The following SEMA6D variants were observed in gnomAD, a reference collection of about 807,000 sequenced individuals.
The protein encoded by SEMA6D is semaphorin-6D.
A neutral mutation model predicts 106.6 loss-of-function variants in SEMA6D; 35 were observed. The observed-to-expected ratio is 0.33, with a 90% CI of 0.25 to 0.44. The LOEUF (loss-of-function observed/expected upper bound fraction) is 0.44, where lower values mean the gene tolerates loss of function less well. SEMA6D is among the 20% of genes least tolerant of loss of function. The pLI, the probability that SEMA6D is intolerant of heterozygous loss-of-function variation, is 1.00. For missense variants in SEMA6D, 1,185 were observed against 1,345.9 expected (o/e 0.88, Z 1.87); for synonymous variants, 499 against 487.7 (o/e 1.02, Z -0.31).
chr15:47,345,499 C>A (rs1002212505), intron 1 of SEMA6D, among the ~76,000 whole-genome samples: 1 of 151,584 alleles, frequency 6.6e-6, no homozygotes, highest in African/African-American at 2.4e-5. Flanking sequence ...AAATGCCTAG[C>A]CACATGCAAA....
chr15:47,330,286 C>G (rs1595746305), intron 1 of SEMA6D, among the ~76,000 whole-genome samples: 1 of 152,022 alleles, frequency 6.6e-6, no homozygotes, highest in East Asian at 1.9e-4. Context: ...TGGAGGTGAC[C>G]CATAGGTAAC....
intron 4 of SEMA6D, among the ~76,000 whole-genome samples, chr15:47,692,473 G>A (rs564090654): frequency 6.6e-6 from 1 of 152,158 alleles, no homozygotes; most frequent in Non-Finnish European, 1.5e-5. Flanking sequence ...AATTTGCTCT[G>A]CTTAAAAAAT....
chr15:47,375,737 G>A (rs539124704), intron 1 of SEMA6D, among the ~76,000 whole-genome samples: 3 of 152,122 alleles, frequency 2.0e-5, no homozygotes, highest in South Asian at 2.1e-4. Context: ...AATTAATATG[G>A]GTGCATAGCA....
chr15:47,459,490 A>G (rs114372355), intron 2 of SEMA6D, among the ~76,000 whole-genome samples: 2,151 of 152,164 alleles, frequency 0.014, 48 homozygotes, highest in African/African-American at 0.049. Flanking sequence ...TCTGAGAGAA[A>G]GAGGAGAATC....
intron 1 of SEMA6D, among the ~76,000 whole-genome samples, chr15:47,340,588 A>G (rs529585491): frequency 6.6e-6 from 1 of 152,324 alleles, no homozygotes; most frequent in African/African-American, 2.4e-5. Flanking sequence ...TCTAGAAAAT[A>G]TTAACTTTTT....
At chr15:47,548,749 G>A (rs766625237) in intron 3 of SEMA6D, among the ~76,000 whole-genome samples, 22 of 152,050 alleles carry the variant, frequency 1.4e-4, no homozygotes, top group Non-Finnish European at 2.6e-4. Flanking sequence ...ACACATGTAC[G>A]TATATATACA....
At chr15:47,494,351 A>T (rs1042505199) in intron 3 of SEMA6D, among the ~76,000 whole-genome samples, 13 of 152,058 alleles carry the variant, frequency 8.5e-5, no homozygotes, top group Admixed American at 7.9e-4. Flanking sequence ...TCATGCAGAA[A>T]GTGAAAATGT....
intron 4 of SEMA6D, among the ~76,000 whole-genome samples, chr15:47,620,036 A>C (rs1047549861): frequency 6.6e-6 from 1 of 152,160 alleles, no homozygotes; most frequent in African/African-American, 2.4e-5. Context: ...TTGCGGTGAC[A>C]GTGGAACCAG....
chr15:47,237,345 G>A (rs1467719329), intron 1 of SEMA6D, among the ~76,000 whole-genome samples: 1 of 152,096 alleles, frequency 6.6e-6, no homozygotes, highest in African/African-American at 2.4e-5. Flanking sequence ...TGATCACACT[G>A]TGATTTTAGG....
At chr15:47,489,964 A>G (rs866526329) in intron 3 of SEMA6D, among the ~76,000 whole-genome samples, 5 of 152,144 alleles carry the variant, frequency 3.3e-5, no homozygotes, top group Non-Finnish European at 4.4e-5. Context: ...ACAGTTTTTC[A>G]TTATGGTTTC....
chr15:47,522,206 G>A (rs929050454), intron 3 of SEMA6D, among the ~76,000 whole-genome samples: 2 of 152,166 alleles, frequency 1.3e-5, no homozygotes, highest in African/African-American at 4.8e-5. Flanking sequence ...GTCTCAGAAT[G>A]TCCTATGCTT....
chr15:47,658,742 A>C (rs568185953), intron 4 of SEMA6D, among the ~76,000 whole-genome samples: 1 of 152,270 alleles, frequency 6.6e-6, no homozygotes, highest in African/African-American at 2.4e-5. Flanking sequence ...TAAGAGTAGC[A>C]ATTTGTATTA....
At chr15:47,626,464 A>G (rs554791308) in intron 4 of SEMA6D, among the ~76,000 whole-genome samples, 1 of 152,252 alleles carries the variant, frequency 6.6e-6, no homozygotes, top group South Asian at 2.1e-4. Context: ...GACTTTCTGA[A>G]TTCCTGTTGT....
intron 4 of SEMA6D, among the ~76,000 whole-genome samples, chr15:47,705,443 G>A (rs2078895635): frequency 3.3e-5 from 5 of 152,188 alleles, no homozygotes; most frequent in Admixed American, 2.0e-4. Flanking sequence ...ACTGAAAGTT[G>A]GAATTGTTTA....
chr15:47,563,875 A>C (rs566199215), intron 3 of SEMA6D, among the ~76,000 whole-genome samples: 1 of 152,194 alleles, frequency 6.6e-6, no homozygotes, highest in Non-Finnish European at 1.5e-5. Context: ...TCTTCGGCCA[A>C]TGTCCTGTGG....
chr15:47,443,222 G>A (rs561670720), intron 2 of SEMA6D, among the ~76,000 whole-genome samples: 1 of 152,238 alleles, frequency 6.6e-6, no homozygotes, highest in African/African-American at 2.4e-5. Context: ...CTCATTGAGA[G>A]GTAGAGTCTG....
chr15:47,437,753 G>T (rs1417467055), intron 2 of SEMA6D, among the ~76,000 whole-genome samples: 3 of 152,064 alleles, frequency 2.0e-5, no homozygotes, highest in South Asian at 2.1e-4. Context: ...CAGCTAATTT[G>T]CTATAATTAC....
chr15:47,771,953 C>T lies in SEMA6D; in HGVS notation c.*168C>T, dbSNP rs1454188476. On this transcript the variant is annotated 3_prime_UTR_variant, in exon 19 of 19. Transcript: ENST00000536845. Reference sequence around the variant, plus strand: ...CATCAGAACTTGCCACATGTAGCTACTGCAGCAAGGCTTCTGTGTACTTGC... The same window carrying T: ...CATCAGAACTTGCCACATGTAGCTATTGCAGCAAGGCTTCTGTGTACTTGC... The T allele has an allele frequency of 3.1e-6, 2 of 653,026 alleles. No individual in the cohort carries two copies. The highest frequency in any genetic ancestry group is 1.8e-5 in the African/African-American group (1 of 54,980). 40.5% of individuals were successfully genotyped at this position (653,026 alleles called of 1,614,324 possible).
At chr15:47,665,429 GA>G (rs1443130444) in intron 4 of SEMA6D, among the ~76,000 whole-genome samples, 2 of 152,104 alleles carry the variant, frequency 1.3e-5, no homozygotes, top group African/African-American at 4.8e-5. Context: ...CAGGAAGCCA[GA>G]ACAGCAACTA....
Sources: allele counts gnomAD v4.1 joint callset (sites outside exome capture counted in the v4.1 genomes callset), GRCh38; gene constraint gnomAD v4.1.1; transcripts MANE v1.5; gene names NCBI Gene and HGNC (gene_info 2026-07-23, HGNC 2026-07-21).